CCDC150: variants seen among roughly 807,000 people sequenced by gnomAD.
The protein encoded by CCDC150 is coiled-coil domain-containing protein 150.
CCDC150 carries 151 observed loss-of-function variants against 156.5 expected under a neutral mutation model. That is an observed-to-expected ratio of 0.97 (90% CI 0.85 to 1.10). The LOEUF (loss-of-function observed/expected upper bound fraction) is 1.10. Among genes scored for constraint, CCDC150 ranks in the 50% least tolerant of loss-of-function variants. The pLI, the probability that CCDC150 is intolerant of heterozygous loss-of-function variation, is 0.00. For missense variants in CCDC150, 1,312 were observed against 1,268.1 expected, an observed-to-expected ratio of 1.03 and a Z score of -0.53; for synonymous variants, 452 against 429.4, an observed-to-expected ratio of 1.05 and a Z score of -0.65.
At chr2:196,714,745 C>G (rs762288328) in intron 17 of CCDC150, among the ~76,000 whole-genome samples, 4 of 152,094 alleles carry the variant, frequency 2.6e-5, no homozygotes, top group Non-Finnish European at 4.4e-5. Context: ...TGCCTCACTA[C>G]TATTTAGATG....
Position 196,729,314 on chromosome 2 carries a change from A to C in CCDC150, c.2678A>C (p.Lys893Thr). 6.2e-7 allele frequency: 1 copy of C among 1,613,972 alleles called. No homozygotes were observed. Among genetic ancestry groups the C allele is most frequent in the Non-Finnish European group, 8.5e-7 (1 of 1,179,862 alleles). Residue 893 changes from lysine to threonine, a missense_variant, in exon 23 of 28, where the codon AAG becomes ACG. Lys to Thr is a moderately conservative substitution (Grantham distance 78). Transcript: ENST00000389175. Reference sequence around the variant, plus strand: ...CTAGAAAGTAACAAGGAGAAAATAAAGAATCAAAAGACCCAAATTAAGCTC... The same window carrying C: ...CTAGAAAGTAACAAGGAGAAAATAACGAATCAAAAGACCCAAATTAAGCTC... ...KILESNKEKI[K>T]NQKTQIKLHL...
intron 22 of CCDC150, 90 bp downstream of exon 22, chr2:196,726,189 G>A: frequency 7.0e-7 from 1 of 1,429,382 alleles, no homozygotes; most frequent in Non-Finnish European, 9.6e-7. Flanking sequence ...GTTGTTCTTT[G>A]ACTCCTCTCA....
At chr2:196,649,244 A>G (rs1692733934) in intron 2 of CCDC150, among the ~76,000 whole-genome samples, 1 of 152,184 alleles carries the variant, frequency 6.6e-6, no homozygotes, top group African/African-American at 2.4e-5. Context: ...TTTTAACAGT[A>G]TTAATTCTTC....
intron 5 of CCDC150, 23 bp from the exon 6 acceptor site, chr2:196,665,544 C>CT (rs1218118973): frequency 7.0e-7 from 1 of 1,437,684 alleles, no homozygotes; most frequent in African/African-American, 1.4e-5. Context: ...TTGGTCTTGC[C>CT]TAACTGCAGT....
intron 13 of CCDC150, among the ~76,000 whole-genome samples, chr2:196,690,724 A>G (rs866277224): frequency 5.9e-5 from 9 of 152,294 alleles, no homozygotes; most frequent in South Asian, 2.1e-4. Flanking sequence ...TGCCTTGGCC[A>G]GAACTTCCAA....
chr2:196,714,093 A>C (rs1697324376), intron 17 of CCDC150, among the ~76,000 whole-genome samples: 1 of 152,214 alleles, frequency 6.6e-6, no homozygotes, highest in East Asian at 1.9e-4. Context: ...TTAGAAATAG[A>C]AAATACTATA....
intron 2 of CCDC150, among the ~76,000 whole-genome samples, chr2:196,654,519 A>T (rs1290466729): frequency 6.6e-6 from 1 of 151,652 alleles, no homozygotes; most frequent in Admixed American, 6.6e-5. Flanking sequence ...CACTTCATAT[A>T]GTCTGCCATT....
chr2:196,661,717 A>G (rs1231527025), intron 5 of CCDC150, among the ~76,000 whole-genome samples: 3 of 152,258 alleles, frequency 2.0e-5, no homozygotes, highest in African/African-American at 4.8e-5. Flanking sequence ...TGTGATAAAC[A>G]TTAAATAGAT....
chr2:196,695,810 C>CA (rs1281920360), intron 14 of CCDC150, among the ~76,000 whole-genome samples: 15,330 of 82,896 alleles, frequency 0.18, 1,238 homozygotes, highest in African/African-American at 0.34. Context: ...GATTCCGTCT[C>CA]AAAAAAAAAA....
intron 18 of CCDC150, 79 bp from the exon 19 acceptor site, chr2:196,719,418 C>G: frequency 8.5e-7 from 1 of 1,180,496 alleles, no homozygotes; most frequent in Non-Finnish European, 1.2e-6. Flanking sequence ...CATGCTCTTT[C>G]CTGGGAGTAA....
Position 196,703,559 on chromosome 2 carries a change from A to G in CCDC150, c.1695+2379A>G, listed in dbSNP as rs187731213. On this transcript the variant is annotated intron_variant, in intron 15 of 27. Coordinates refer to ENST00000389175, the MANE Select transcript of CCDC150 (RefSeq NM_001080539.2). ...AAATAGGCTACATTACAGGCTGGGT[A>G]TATACATCTTTACAGGCATAAAATA... is the stretch of plus-strand genomic sequence containing the variant. 2.4e-4 allele frequency among the ~76,000 whole-genome samples: 36 copies of G among 152,300 alleles called. 1 individual carries two copies. Among genetic ancestry groups the G allele is most frequent in the East Asian group, 1.9e-3 (10 of 5,188 alleles).
At chr2:196,701,957 C>G (rs551847233) in intron 15 of CCDC150, among the ~76,000 whole-genome samples, 1 of 152,002 alleles carries the variant, frequency 6.6e-6, no homozygotes, top group African/African-American at 2.4e-5. Context: ...GGAGGCTGTG[C>G]GTGGTGGTTC....
intron 14 of CCDC150, among the ~76,000 whole-genome samples, chr2:196,697,317 G>A (rs1293833309): frequency 1.3e-5 from 2 of 151,624 alleles, no homozygotes; most frequent in African/African-American, 4.9e-5. Context: ...TGTTGTTGTT[G>A]TTTTTTGCCA....
At chr2:196,728,499 G>A (rs1490423595) in intron 22 of CCDC150, among the ~76,000 whole-genome samples, 3 of 152,056 alleles carry the variant, frequency 2.0e-5, no homozygotes, top group Non-Finnish European at 4.4e-5. Context: ...AGTGGCAATG[G>A]TTTAAGGGCA....
At chr2:196,666,881 G>T (rs751299054) in intron 7 of CCDC150, 33 bp downstream of exon 7, 3 of 1,612,170 alleles carry the variant, frequency 1.9e-6, no homozygotes, top group Non-Finnish European at 2.5e-6. Flanking sequence ...TCACCCTCTT[G>T]TTAGTTTTTG....
chr2:196,711,733 C>G (rs543547118), intron 15 of CCDC150, among the ~76,000 whole-genome samples: 16 of 152,272 alleles, frequency 1.1e-4, no homozygotes, highest in African/African-American at 3.4e-4. Flanking sequence ...TTCTTCTGGT[C>G]TGATATGTCT....
intron 14 of CCDC150, among the ~76,000 whole-genome samples, chr2:196,699,394 G>A (rs1035481481): frequency 6.6e-6 from 1 of 152,158 alleles, no homozygotes; most frequent in Non-Finnish European, 1.5e-5. Flanking sequence ...TATTAAAGGT[G>A]TATGATTTTA....
chr2:196,688,898 A>G (rs1170615068), intron 13 of CCDC150, among the ~76,000 whole-genome samples: 4 of 151,788 alleles, frequency 2.6e-5, no homozygotes, highest in African/African-American at 4.8e-5. Flanking sequence ...TAAGTCTTTA[A>G]TCCATCTTGA....
At position 196,729,281 on chromosome 2, in the gene CCDC150, A is replaced by G; in HGVS notation, c.2645A>G (p.Glu882Gly). ...RELRQKLAELEKILESNKEKI... is the reference protein window; with the variant it reads ...RELRQKLAELGKILESNKEKI... ...CTGCGACAGAAACTTGCAGAGCTAGAAAAAATACTAGAAAGTAACAAGGAG... is the reference window on the plus strand; with the variant it reads ...CTGCGACAGAAACTTGCAGAGCTAGGAAAAATACTAGAAAGTAACAAGGAG... The change falls in exon 23 of 28, where the codon GAA becomes GGA. Residue 882 changes from glutamate (E) to glycine (G), a missense_variant. Coordinates refer to ENST00000389175, the MANE Select transcript of CCDC150 (RefSeq NM_001080539.2). The G allele has an allele frequency of 1.2e-6, 2 of 1,613,940 alleles. No homozygotes were observed. The highest frequency in any genetic ancestry group is 1.1e-5 in the South Asian group (1 of 91,064).
Sources: allele counts gnomAD v4.1 joint callset (sites outside exome capture counted in the v4.1 genomes callset), GRCh38; gene constraint gnomAD v4.1.1; transcripts MANE v1.5; gene names NCBI Gene and HGNC (gene_info 2026-07-23, HGNC 2026-07-21).